Variants in ZNF804B observed in about 807,000 individuals in gnomAD.
ZNF804B encodes the protein zinc finger protein 804B, also known as zinc finger 804B.
In ZNF804B, 80 loss-of-function variants were observed where a neutral mutation model predicts 101.4. That is an observed-to-expected ratio of 0.79 (90% CI 0.66 to 0.95). The LOEUF (loss-of-function observed/expected upper bound fraction) is 0.95. Ranked by LOEUF, ZNF804B falls within the 40% of genes least tolerant of loss-of-function variation. The pLI is 0.00. For synonymous variants in ZNF804B, 622 were observed against 558.8 expected (o/e 1.11, Z -1.59); for missense variants, 1,673 against 1,561.9 (o/e 1.07, Z -1.20).
At chr7:89,063,651 G>A (rs1289414294) in intron 1 of ZNF804B, among the ~76,000 whole-genome samples, 3 of 152,110 alleles carry the variant, frequency 2.0e-5, no homozygotes, top group African/African-American at 7.2e-5. Flanking sequence ...TGAAGAAAGA[G>A]GAAGACCATC....
chr7:89,008,353 A>G (rs990997599), intron 1 of ZNF804B, among the ~76,000 whole-genome samples: 1 of 152,160 alleles, frequency 6.6e-6, no homozygotes, highest in African/African-American at 2.4e-5. Context: ...AAAAAAACAG[A>G]CTATCCTCAG....
At chr7:88,965,372 C>CTTATTTTAAAA (rs1416336487) in intron 1 of ZNF804B, among the ~76,000 whole-genome samples, 4 of 151,360 alleles carry the variant, frequency 2.6e-5, no homozygotes, top group African/African-American at 9.7e-5. Context: ...TAAAATAGCC[C>CTTATTTTAAAA]TGCATGAATC....
At chr7:89,035,864 T>G (rs1276720353) in intron 1 of ZNF804B, among the ~76,000 whole-genome samples, 2 of 146,488 alleles carry the variant, frequency 1.4e-5, no homozygotes, top group Non-Finnish European at 3.0e-5. Context: ...TCCAAATATA[T>G]ATATTATATT....
chr7:89,327,406 T>C lies in ZNF804B; in HGVS notation c.312T>C (p.Asp104=). The C allele has an allele frequency of 6.2e-7, 1 of 1,611,302 alleles. No homozygotes were observed. Among genetic ancestry groups the C allele is most frequent in the South Asian group, 1.1e-5 (1 of 90,802 alleles). The change falls in exon 3 of 4, where the codon GAT becomes GAC. Residue 104 remains aspartate (D), a synonymous_variant. Transcript: ENST00000333190. The stretch of plus-strand genomic sequence containing the variant: ...ATGTAGCTTCTAAGTCATGGAAAGA[T>C]GAGAAAAAACAAGAAAAAGCACTTA... ...ARNVASKSWK[D]EKKQEKALKR...
intron 1 of ZNF804B, among the ~76,000 whole-genome samples, chr7:89,024,720 T>C (rs1401323756): frequency 6.1e-5 from 9 of 147,006 alleles, no homozygotes; most frequent in African/African-American, 2.0e-4. Flanking sequence ...TTAGGTTGTC[T>C]AGAAGTCCTG....
At chr7:89,075,593 G>T (rs1789604750) in intron 1 of ZNF804B, among the ~76,000 whole-genome samples, 1 of 152,212 alleles carries the variant, frequency 6.6e-6, no homozygotes, top group Non-Finnish European at 1.5e-5. Flanking sequence ...AGCTCTCATA[G>T]AGAACATCTG....
intron 2 of ZNF804B, among the ~76,000 whole-genome samples, chr7:89,238,709 T>C (rs1789319407): frequency 7.0e-6 from 1 of 142,406 alleles, no homozygotes; most frequent in African/African-American, 2.5e-5. Context: ...GTTGAGTAGT[T>C]AATACAATGT....
At position 89,318,988 on chromosome 7, in the gene ZNF804B, G is replaced by C. The variant is rs561136778; in HGVS notation, c.250-8356G>C. Among the ~76,000 whole-genome samples the C allele has an allele frequency of 7.2e-5, 11 of 152,302 alleles. No homozygotes were observed. In the East Asian group the frequency reaches 2.1e-3, roughly 29 times the overall value. On this transcript the variant is annotated intron_variant, in intron 2 of 3. Transcript: ENST00000333190. ...ATAAGTATTCCTTAAGGGAAACGAA[G>C]GGATGGGCCGACTTAATTGAAGCAG... is the stretch of plus-strand genomic sequence containing the variant.
intron 1 of ZNF804B, among the ~76,000 whole-genome samples, chr7:89,047,572 T>C (rs1253053462): frequency 2.6e-5 from 4 of 152,270 alleles, no homozygotes; most frequent in South Asian, 2.1e-4. Context: ...AAGAATAAGA[T>C]AGTAATTTAT....
At chr7:88,875,156 A>G (rs1383948252) in intron 1 of ZNF804B, among the ~76,000 whole-genome samples, 2 of 143,518 alleles carry the variant, frequency 1.4e-5, no homozygotes, top group Middle Eastern at 3.4e-3. Flanking sequence ...ACACATTCAA[A>G]GCAGTGTGTA....
chr7:89,045,071 T>G (rs1789084352), intron 1 of ZNF804B, among the ~76,000 whole-genome samples: 1 of 152,188 alleles, frequency 6.6e-6, no homozygotes, highest in Admixed American at 6.5e-5. Flanking sequence ...TGGTGTCCTG[T>G]GTCCCAGCTG....
chr7:89,230,530 T>C (rs1484439590), intron 2 of ZNF804B, among the ~76,000 whole-genome samples: 1 of 152,070 alleles, frequency 6.6e-6, no homozygotes, highest in Non-Finnish European at 1.5e-5. Flanking sequence ...TAAAACTAAG[T>C]ATGTAAATAA....
At chr7:88,783,884 T>C (rs1422488746) in intron 1 of ZNF804B, among the ~76,000 whole-genome samples, 5 of 152,166 alleles carry the variant, frequency 3.3e-5, no homozygotes, top group African/African-American at 1.2e-4. Flanking sequence ...CATTTTGTTA[T>C]GAATGTCATA....
chr7:89,184,090 G>T (rs1788339934), intron 1 of ZNF804B, among the ~76,000 whole-genome samples: 1 of 152,106 alleles, frequency 6.6e-6, no homozygotes, highest in Non-Finnish European at 1.5e-5. Context: ...TAGAATGATG[G>T]AATCATTTAG....
intron 1 of ZNF804B, among the ~76,000 whole-genome samples, chr7:88,929,758 C>T (rs2116016642): frequency 6.6e-6 from 1 of 151,996 alleles, no homozygotes; most frequent in Non-Finnish European, 1.5e-5. Flanking sequence ...GCAATACTAT[C>T]ATTAGTGTAA....
chr7:89,312,934 A>C (rs1000936434), intron 2 of ZNF804B, among the ~76,000 whole-genome samples: 17 of 152,162 alleles, frequency 1.1e-4, no homozygotes, highest in Non-Finnish European at 7.4e-5. Flanking sequence ...TAATTATTTT[A>C]TTTTGATTGT....
At chr7:88,919,050 A>G (rs1314536681) in intron 1 of ZNF804B, among the ~76,000 whole-genome samples, 1 of 152,110 alleles carries the variant, frequency 6.6e-6, no homozygotes, top group Non-Finnish European at 1.5e-5. Flanking sequence ...TCAGTTTTCA[A>G]ATCTCAATCA....
intron 2 of ZNF804B, among the ~76,000 whole-genome samples, chr7:89,280,616 T>A (rs1584102072): frequency 1.3e-5 from 2 of 152,098 alleles, no homozygotes; most frequent in East Asian, 3.9e-4. Context: ...ATCAGATAAT[T>A]CTACAAACAC....
At chr7:89,328,978 A>C (rs1790936418) in intron 3 of ZNF804B, among the ~76,000 whole-genome samples, 1 of 151,740 alleles carries the variant, frequency 6.6e-6, no homozygotes, top group East Asian at 1.9e-4. Context: ...GATGCTGATG[A>C]TGATAATGAT....
Sources: gnomAD v4.1 joint callset for allele counts (sites outside exome capture counted in the v4.1 genomes callset) on GRCh38, gnomAD v4.1.1 for gene constraint, MANE v1.5 for transcripts, NCBI Gene and HGNC (gene_info 2026-07-23, HGNC 2026-07-21) for gene names.